The following RORB variants were observed in gnomAD, a reference collection of about 807,000 sequenced individuals.
The protein encoded by RORB is nuclear receptor ROR-beta.
RORB carries 6 observed loss-of-function variants against 59.1 expected under a neutral mutation model. The ratio of observed to expected loss-of-function variants is 0.10; its 90% CI spans 0.06 to 0.20. The LOEUF (loss-of-function observed/expected upper bound fraction) is 0.20, where lower values mean the gene tolerates loss of function less well. Among genes scored for constraint, RORB ranks in the 10% least tolerant of loss-of-function variants. The probability of loss-of-function intolerance (pLI) is 1.00; values close to 1 mark genes in which losing one functional copy is unlikely to be tolerated. For synonymous variants in RORB, 215 were observed against 204.5 expected (o/e 1.05, Z -0.44); for missense variants, 320 against 560.5 (o/e 0.57, Z 4.33).
intron 1 of RORB, among the ~76,000 whole-genome samples, chr9:74,621,283 C>A (rs1221860158): frequency 6.6e-6 from 1 of 152,050 alleles, no homozygotes; most frequent in East Asian, 1.9e-4. Flanking sequence ...CCACTCCAAA[C>A]CCATGGCAAC....
intron 4 of RORB, among the ~76,000 whole-genome samples, chr9:74,655,639 T>TC (rs1824066641): frequency 6.6e-6 from 1 of 152,236 alleles, no homozygotes; most frequent in Non-Finnish European, 1.5e-5. Flanking sequence ...TTCCTTTGGC[T>TC]CCCAACAGAA....
At chr9:74,626,978 A>G (rs1823529968) in intron 1 of RORB, among the ~76,000 whole-genome samples, 2 of 152,132 alleles carry the variant, frequency 1.3e-5, no homozygotes, top group Non-Finnish European at 2.9e-5. Flanking sequence ...CCTGGCCAAC[A>G]TGGTGAAACC....
intron 4 of RORB, among the ~76,000 whole-genome samples, chr9:74,643,815 C>A (rs1823851286): frequency 6.6e-6 from 1 of 152,146 alleles, no homozygotes; most frequent in South Asian, 2.1e-4. Context: ...CAGAGCAGAG[C>A]AATTAAGAAC....
chr9:74,608,053 G>A (rs1241242980), intron 1 of RORB, among the ~76,000 whole-genome samples: 1 of 152,148 alleles, frequency 6.6e-6, no homozygotes, highest in African/African-American at 2.4e-5. Flanking sequence ...CCTGCACAAT[G>A]AGCTTATGGG....
intron 4 of RORB, among the ~76,000 whole-genome samples, chr9:74,645,597 A>C (rs1252906646): frequency 6.6e-6 from 1 of 152,152 alleles, no homozygotes; most frequent in Non-Finnish European, 1.5e-5. Context: ...ATTATTAATA[A>C]TATAACTGTT....
intron 1 of RORB, among the ~76,000 whole-genome samples, chr9:74,561,494 T>C (rs547129227): frequency 8.5e-5 from 13 of 152,302 alleles, no homozygotes; most frequent in Non-Finnish European, 1.3e-4. Flanking sequence ...TAGGACTTAA[T>C]GTGCCATGTT....
chr9:74,499,482 G>A (rs772632356), intron 1 of RORB, among the ~76,000 whole-genome samples: 12 of 152,036 alleles, frequency 7.9e-5, no homozygotes, highest in Non-Finnish European at 1.6e-4. Flanking sequence ...GACTGTCCAT[G>A]GGGGAGGGGG....
chr9:74,675,163 C>T (rs1458720552), intron 9 of RORB, among the ~76,000 whole-genome samples: 2 of 151,728 alleles, frequency 1.3e-5, no homozygotes, highest in African/African-American at 4.8e-5. Flanking sequence ...GATGGCATTC[C>T]AAGTGATGGG....
intron 1 of RORB, among the ~76,000 whole-genome samples, chr9:74,548,828 T>A (rs1351749371): frequency 6.6e-6 from 1 of 152,256 alleles, no homozygotes; most frequent in African/African-American, 2.4e-5. Flanking sequence ...ACTCTTTTCA[T>A]TGAAAATATT....
intron 1 of RORB, among the ~76,000 whole-genome samples, chr9:74,626,959 C>A (rs985977003): frequency 6.6e-6 from 1 of 152,012 alleles, no homozygotes. Flanking sequence ...GTCAGGAGAT[C>A]GAGACCATCC....
intron 1 of RORB, among the ~76,000 whole-genome samples, chr9:74,579,781 T>C (rs1822694139): frequency 6.6e-6 from 1 of 152,174 alleles, no homozygotes. Context: ...CATCTGTCAG[T>C]GGACAGAGTT....
chr9:74,603,018 C>T (rs969992534), intron 1 of RORB, among the ~76,000 whole-genome samples: 6 of 151,950 alleles, frequency 3.9e-5, no homozygotes, highest in Non-Finnish European at 8.8e-5. Flanking sequence ...AATTTATTGC[C>T]GAATTAATCA....
At chr9:74,534,345 C>A (rs2118109636) in intron 1 of RORB, among the ~76,000 whole-genome samples, 1 of 152,010 alleles carries the variant, frequency 6.6e-6, no homozygotes, top group South Asian at 2.1e-4. Context: ...CCTTTTTAAT[C>A]CACATGAATA....
At chr9:74,506,147 T>C (rs963038696) in intron 1 of RORB, among the ~76,000 whole-genome samples, 1 of 152,032 alleles carries the variant, frequency 6.6e-6, no homozygotes, top group African/African-American at 2.4e-5. Flanking sequence ...TGATATCTGC[T>C]CTAGAGAGTA....
intron 4 of RORB, among the ~76,000 whole-genome samples, chr9:74,659,493 T>TGTTTTGTTTTGCTTC (rs1182835946): frequency 1.3e-5 from 2 of 151,980 alleles, no homozygotes; most frequent in African/African-American, 2.4e-5. Flanking sequence ...TGTTTTGTTT[T>TGTTTTGTTTTGCTTC]GTTTTGTTTT....
intron 1 of RORB, among the ~76,000 whole-genome samples, chr9:74,599,664 C>T (rs1020668679): frequency 3.3e-5 from 5 of 152,076 alleles, no homozygotes; most frequent in African/African-American, 1.2e-4. Flanking sequence ...ACATTGTAAC[C>T]ATGTAGCAAT....
chr9:74,633,887 A>G (rs901573136), intron 2 of RORB, among the ~76,000 whole-genome samples: 11 of 151,776 alleles, frequency 7.2e-5, no homozygotes, highest in African/African-American at 1.2e-4. Flanking sequence ...TCTTTTTTCA[A>G]TGGTGTGGTT....
chr9:74,545,068 T>TA (rs1826466489), intron 1 of RORB, among the ~76,000 whole-genome samples: 2 of 152,002 alleles, frequency 1.3e-5, no homozygotes, highest in South Asian at 4.1e-4. Flanking sequence ...ACTGCAAATT[T>TA]TCTCTTCCCT....
Position 74,644,588 on chromosome 9 carries a change from A to G in RORB, c.637+1773A>G, listed in dbSNP as rs563491429. On this transcript the variant is annotated intron_variant, in intron 4 of 9. Coordinates refer to ENST00000376896, the MANE Select transcript of RORB (RefSeq NM_006914.4). ...TAACCTGCTACCTGCCATGGGTCTCAATTCATAGACTGCATTGTCAACTAA... is the reference window on the plus strand; with the variant it reads ...TAACCTGCTACCTGCCATGGGTCTCGATTCATAGACTGCATTGTCAACTAA... Among the ~76,000 whole-genome samples, 27 of 152,304 alleles carry G rather than the reference A, an allele frequency of 1.8e-4. No homozygotes were observed. The South Asian group carries it at 5.4e-3, about 30-fold the overall frequency.
Sources: gnomAD v4.1 joint callset for allele counts (sites outside exome capture counted in the v4.1 genomes callset) on GRCh38, gnomAD v4.1.1 for gene constraint, MANE v1.5 for transcripts, NCBI Gene and HGNC (gene_info 2026-07-23, HGNC 2026-07-21) for gene names.